Variants in FAM24B observed in about 807,000 individuals in gnomAD.
The protein encoded by FAM24B is family with sequence similarity 24 member B.
In FAM24B, 3 loss-of-function variants were observed where a neutral mutation model predicts 2.3. The observed-to-expected ratio is 1.29, with a 90% CI of 0.59 to 3.32. The LOEUF is 3.32. Ranked by LOEUF, FAM24B falls within the 30% of genes most tolerant of loss-of-function variation. FAM24B has a pLI of 0.03. For synonymous variants in FAM24B, 36 were observed against 46.3 expected (o/e 0.78, Z 0.90); for missense variants, 98 against 117.2 (o/e 0.84, Z 0.76).
chr10:122,867,954 G>A (rs886180012), intron 1 of FAM24B, among the ~76,000 whole-genome samples: 4 of 152,214 alleles, frequency 2.6e-5, no homozygotes, highest in East Asian at 3.8e-4. Context: ...TGACTTTGAC[G>A]AGTTGAGAGA....
chr10:122,871,872 C>G (rs906871261), intron 1 of FAM24B, among the ~76,000 whole-genome samples: 8 of 152,288 alleles, frequency 5.3e-5, no homozygotes, highest in African/African-American at 1.9e-4. Flanking sequence ...AGGACATAGG[C>G]ATGGGGCAAG....
intron 2 of FAM24B, 79 bp from the exon 3 acceptor site, chr10:122,850,629 G>A (rs907810357): frequency 5.3e-6 from 4 of 758,144 alleles, no homozygotes; most frequent in African/African-American, 1.7e-5. Context: ...GCCAATGTCA[G>A]GGGAGGAAGA....
chr10:122,850,793 G>A (rs1589667341), intron 2 of FAM24B: 2 of 370,138 alleles, frequency 5.4e-6, no homozygotes, highest in East Asian at 1.0e-4. Flanking sequence ...CAGAGAGAAG[G>A]CTATCAGAAG....
At chr10:122,857,468 C>T (rs1319777019) in intron 1 of FAM24B, among the ~76,000 whole-genome samples, 2 of 152,204 alleles carry the variant, frequency 1.3e-5, no homozygotes, top group Admixed American at 6.5e-5. Context: ...CTTGCTATTA[C>T]ATAAGTCAGT....
chr10:122,854,357 T>A (rs917358272), intron 2 of FAM24B, among the ~76,000 whole-genome samples: 1 of 152,116 alleles, frequency 6.6e-6, no homozygotes, highest in African/African-American at 2.4e-5. Context: ...CTCCCTTGGG[T>A]CACACAGCAA....
Position 122,879,538 on chromosome 10 carries a change from T to A in FAM24B, c.-231A>T, listed in dbSNP as rs1249599937. On this transcript the variant is annotated 5_prime_UTR_variant, in exon 1 of 4. Coordinates refer to ENST00000368898, the MANE Select transcript of FAM24B (RefSeq NM_152644.3). ...GCAACCGTGGTCCATGCTGCCTGCG[T>A]CCACCGCCAGCGTCGAAAAACCGCC... 1 of 152,542 alleles carries A rather than the reference T, an allele frequency of 6.6e-6. No homozygotes were observed. Among genetic ancestry groups the A allele is most frequent in the East Asian group, 1.9e-4 (1 of 5,194 alleles). The allele number at this position is 152,542 out of a possible 1,614,324, so 9.4% of individuals were successfully genotyped here.
intron 1 of FAM24B, among the ~76,000 whole-genome samples, chr10:122,872,860 A>G (rs1482268168): frequency 7.9e-5 from 12 of 152,184 alleles, no homozygotes; most frequent in Admixed American, 7.9e-4. Context: ...TGGGTGCAGC[A>G]CACCAACATG....
At chr10:122,857,057 G>A (rs747181466) in intron 1 of FAM24B, among the ~76,000 whole-genome samples, 2 of 152,134 alleles carry the variant, frequency 1.3e-5, no homozygotes, top group Non-Finnish European at 2.9e-5. Context: ...GCCACTCTCA[G>A]CTCCTACAGG....
intron 3 of FAM24B, 87 bp downstream of exon 3, chr10:122,850,337 G>T: frequency 9.3e-7 from 1 of 1,072,382 alleles, no homozygotes; most frequent in Non-Finnish European, 1.5e-6. Context: ...CCAACAGGAA[G>T]CCCAGGTATC....
chr10:122,874,472 T>C (rs1267293397), intron 1 of FAM24B, among the ~76,000 whole-genome samples: 3 of 152,224 alleles, frequency 2.0e-5, no homozygotes, highest in Non-Finnish European at 4.4e-5. Flanking sequence ...TTAGCTTTTG[T>C]TTAAGAAAAT....
intron 2 of FAM24B, among the ~76,000 whole-genome samples, chr10:122,852,413 G>A (rs1348467896): frequency 1.3e-5 from 2 of 152,144 alleles, no homozygotes; most frequent in African/African-American, 4.8e-5. Context: ...GTTTTGTTTT[G>A]TTTTGTTGGG....
At chr10:122,868,001 G>C (rs1847827978) in intron 1 of FAM24B, among the ~76,000 whole-genome samples, 1 of 152,160 alleles carries the variant, frequency 6.6e-6, no homozygotes, top group Admixed American at 6.5e-5. Context: ...CCGAGCTAAA[G>C]GAGGAAGTTC....
At chr10:122,878,400 G>A (rs1002755218) in intron 1 of FAM24B, among the ~76,000 whole-genome samples, 1 of 152,118 alleles carries the variant, frequency 6.6e-6, no homozygotes, top group Non-Finnish European at 1.5e-5. Flanking sequence ...GGGCCTGGTG[G>A]TGCACGCCTG....
rs183495424 is a variant in FAM24B at position 122,864,000 on chromosome 10, T to G, written c.-177-8214A>C. 3.3e-5 allele frequency among the ~76,000 whole-genome samples: 5 copies of G among 152,314 alleles called. No homozygotes were observed. The East Asian group carries it at 9.6e-4, about 29-fold the overall frequency. The stretch of plus-strand genomic sequence containing the variant: ...TGATCTTGTTCAGGTCAGGGTCACA[T>G]GCACTGTCACTGATAACTCCTGCCA... On this transcript the variant is annotated intron_variant, in intron 1 of 3. Coordinates refer to ENST00000368898, the MANE Select transcript of FAM24B (RefSeq NM_152644.3).
chr10:122,872,761 G>A (rs1003666650), intron 1 of FAM24B, among the ~76,000 whole-genome samples: 4 of 151,934 alleles, frequency 2.6e-5, no homozygotes, highest in African/African-American at 9.7e-5. Context: ...ACAGGAAGGG[G>A]AACATCACAC....
chr10:122,850,538 G>T lies in FAM24B; in HGVS notation c.-23C>A, dbSNP rs1252675069. Reference sequence around the variant, plus strand: ...CATAATCACTGTATGGAGGTCAAAAGACTTCGATGTACCTAGGCAGATAAG... The same window carrying T: ...CATAATCACTGTATGGAGGTCAAAATACTTCGATGTACCTAGGCAGATAAG... On this transcript the variant is annotated 5_prime_UTR_variant, in exon 3 of 4. Transcript: ENST00000368898. 1 of 1,558,644 alleles carries T rather than the reference G, an allele frequency of 6.4e-7. No individual in the cohort carries two copies. Among genetic ancestry groups the T allele is most frequent in the South Asian group, 1.1e-5 (1 of 90,012 alleles).
intron 1 of FAM24B, among the ~76,000 whole-genome samples, chr10:122,877,668 G>A (rs1847997347): frequency 6.6e-6 from 1 of 152,182 alleles, no homozygotes; most frequent in African/African-American, 2.4e-5. Flanking sequence ...GAGTTTGGGG[G>A]AAGGCCTATG....
intron 1 of FAM24B, among the ~76,000 whole-genome samples, chr10:122,866,046 G>A (rs1292366383): frequency 6.6e-6 from 1 of 151,908 alleles, no homozygotes; most frequent in Admixed American, 6.6e-5. Context: ...GGAACTACAG[G>A]TGCATGCCAC....
intron 2 of FAM24B, among the ~76,000 whole-genome samples, chr10:122,854,056 G>A (rs1382194566): frequency 2.6e-5 from 4 of 152,146 alleles, no homozygotes; most frequent in Non-Finnish European, 5.9e-5. Context: ...CACATGTTAT[G>A]ATCAATGACT....
Sources: allele counts gnomAD v4.1 joint callset (sites outside exome capture counted in the v4.1 genomes callset), GRCh38; gene constraint gnomAD v4.1.1; transcripts MANE v1.5; gene names NCBI Gene and HGNC (gene_info 2026-07-23, HGNC 2026-07-21).